The following RARRES2 variants were observed in gnomAD, a reference collection of about 807,000 sequenced individuals.
RARRES2 encodes retinoic acid receptor responder protein 2.
RARRES2 carries 12 observed loss-of-function variants against 17.9 expected under a neutral mutation model. The observed-to-expected ratio is 0.67, with a 90% CI of 0.43 to 1.08. The LOEUF (loss-of-function observed/expected upper bound fraction) is 1.08. RARRES2 is among the 50% of genes least tolerant of loss of function. The probability of loss-of-function intolerance (pLI) is 0.00; values close to 1 mark genes in which losing one functional copy is unlikely to be tolerated. For synonymous variants in RARRES2, 82 were observed against 86.8 expected (o/e 0.94, Z 0.31); for missense variants, 220 against 210.1 (o/e 1.05, Z -0.29).
Position 150,339,434 on chromosome 7 carries a change from G to A in RARRES2, c.280-353C>T, listed in dbSNP as rs148997055. Among the ~76,000 whole-genome samples the A allele has an allele frequency of 5.4e-3, 822 of 152,276 alleles. 22 individuals are homozygous for A. Among genetic ancestry groups the A allele is most frequent in the Admixed American group, 0.048 (730 of 15,294 alleles). ...TGCATGGATGTGTCTGCTTGTGCTCGTGTGAAGGCAAGAATCCTCCTCCGA... is the reference window on the plus strand; with the variant it reads ...TGCATGGATGTGTCTGCTTGTGCTCATGTGAAGGCAAGAATCCTCCTCCGA... On this transcript the variant is annotated intron_variant, in intron 3 of 5. Transcript: ENST00000223271.
Position 150,340,613 on chromosome 7 carries a change from T to C in RARRES2, c.-4A>G. The stretch of plus-strand genomic sequence containing the variant: ...GAGGGATCAGCAGCCGTCGCATGCT[T>C]CCGTGTCACCCTGGCCCTGCGAAGC... On this transcript the variant is annotated 5_prime_UTR_variant, in exon 2 of 6. Transcript: ENST00000223271. The C allele has an allele frequency of 2.0e-6, 3 of 1,511,396 alleles. No homozygotes were observed. In the South Asian group the frequency reaches 3.7e-5, roughly 19 times the overall value. The allele number at this position is 1,511,396 out of a possible 1,614,324, so 93.6% of individuals were successfully genotyped here.
chr7:150,340,480 G>A lies in RARRES2; in HGVS notation c.130C>T (p.Gln44Ter), dbSNP rs527945791. The change falls in exon 2 of 6, where the codon CAG becomes TAG. Residue 44 changes from glutamine to a stop codon, truncating the protein, a stop_gained. Coordinates refer to ENST00000223271, the MANE Select transcript of RARRES2 (RefSeq NM_002889.4). LOFTEE classifies it high-confidence loss of function. ...ACACTGGTCTCCTGGAAGGCCCACT[G>A]CACGGGCGGGTGCTTGTGAAATTCC... ...LEEFHKHPPV[Q>*]WAFQETSVES... 2 of 1,609,700 alleles carry A rather than the reference G, an allele frequency of 1.2e-6. No homozygotes were observed. Among genetic ancestry groups the A allele is most frequent in the South Asian group, 2.2e-5 (2 of 90,286 alleles).
At chr7:150,339,174 G>A (rs2129618570) in intron 3 of RARRES2, 93 bp from the exon 4 acceptor site, 1 of 1,237,720 alleles carries the variant, frequency 8.1e-7, no homozygotes, top group Non-Finnish European at 1.2e-6. Context: ...GCCCATCATG[G>A]GACCAGATCC....
At chr7:150,341,549 T>A (rs79236269) in intron 1 of RARRES2, 29 bp downstream of exon 1, 1 of 152,704 alleles carries the variant, frequency 6.5e-6, no homozygotes. Flanking sequence ...TCCGCCCGGC[T>A]GCCGCCCCAG....
chr7:150,340,553 G>GACGCCC lies in RARRES2; in HGVS notation c.51_56dup (p.Gly18_Val19dup). 7.0e-6 allele frequency: 11 copies of GACGCCC among 1,572,830 alleles called. No individual in the cohort carries two copies. Among genetic ancestry groups the GACGCCC allele is most frequent in the Non-Finnish European group, 9.5e-6 (11 of 1,160,310 alleles). On this transcript the variant is annotated inframe_insertion, in exon 2 of 6. Coordinates refer to ENST00000223271, the MANE Select transcript of RARRES2 (RefSeq NM_002889.4). ...GGCGCTGGGCTTCCGTGAGCTCGGCGACGCCCACGCCCACCGCACCCAGCC... is the reference window on the plus strand; with the variant it reads ...GGCGCTGGGCTTCCGTGAGCTCGGCGACGCCCACGCCCACGCCCACCGCACCCAGCC...
rs141728712 is a variant in RARRES2 at position 150,340,090 on chromosome 7, C to T, written c.279+10G>A. On this transcript the variant is annotated intron_variant, in intron 3 of 5. Coordinates refer to ENST00000223271, the MANE Select transcript of RARRES2 (RefSeq NM_002889.4). ...GCATGCGCCCATTGCTCTCACACCC[C>T]TTCACTCACCCCATTGGGCCTGACT... The T allele has an allele frequency of 6.2e-7, 1 of 1,611,694 alleles. No homozygotes were observed. Among genetic ancestry groups the T allele is most frequent in the Non-Finnish European group, 8.5e-7 (1 of 1,177,868 alleles).
At position 150,338,754 on chromosome 7, in the gene RARRES2, A is replaced by C. The variant is rs1246222128; in HGVS notation, c.376-13T>G. The C allele has an allele frequency of 6.4e-7, 1 of 1,559,646 alleles. No individual in the cohort carries two copies. Among genetic ancestry groups the C allele is most frequent in the Non-Finnish European group, 8.7e-7 (1 of 1,151,324 alleles). On this transcript the variant is annotated splice_polypyrimidine_tract_variant and intron_variant, in intron 4 of 5. Coordinates refer to ENST00000223271, the MANE Select transcript of RARRES2 (RefSeq NM_002889.4). The stretch of plus-strand genomic sequence containing the variant: ...GCTCCTCAGCCTCCTGCCAGTGCCC[A>C]AAACTGTTCAGGCAGTGTAGGAGGG...
In RARRES2 at chr7:150,340,787, T is replaced by C. The variant is rs543602472; in HGVS notation, c.-20-158A>G. 98 of 633,822 alleles carry C rather than the reference T, an allele frequency of 1.5e-4. No individual in the cohort carries two copies. The African/African-American group carries it at 1.6e-3, about 11-fold the overall frequency. The allele number at this position is 633,822 out of a possible 1,614,324, so 39.3% of individuals were successfully genotyped here. A position where few individuals can be genotyped will look rare whatever the true frequency, so the allele number is the denominator to read the frequency against. Reference sequence around the variant, plus strand: ...GCCTGGAAATGGCCCTTTCTCCAAATTGACCTTAGGGTCCGCCTGGCCCTC... The same window carrying C: ...GCCTGGAAATGGCCCTTTCTCCAAACTGACCTTAGGGTCCGCCTGGCCCTC... On this transcript the variant is annotated intron_variant, in intron 1 of 5. Coordinates refer to ENST00000223271, the MANE Select transcript of RARRES2 (RefSeq NM_002889.4).
Position 150,340,175 on chromosome 7 carries a change from C to A in RARRES2, c.204G>T (p.Leu68=). 6.2e-7 allele frequency: 1 copy of A among 1,614,202 alleles called. No individual in the cohort carries two copies. Among genetic ancestry groups the A allele is most frequent in the Non-Finnish European group, 8.5e-7 (1 of 1,180,038 alleles). The stretch of plus-strand genomic sequence containing the variant: ...AGCTTGTCTGCTGCAGCTTAAATTC[C>A]AGCCTCACAAATATTCCAGCTGGGA... ...TPFPAGIFVR[L]EFKLQQTSCR... The change falls in exon 3 of 6, where the codon CTG becomes CTT. Residue 68 remains leucine, a synonymous_variant. Coordinates refer to ENST00000223271, the MANE Select transcript of RARRES2 (RefSeq NM_002889.4).
At chr7:150,339,968 C>G in intron 3 of RARRES2, 132 bp downstream of exon 3, 3 of 840,036 alleles carry the variant, frequency 3.6e-6, no homozygotes, top group Non-Finnish European at 5.9e-6. Context: ...AGTGGGGTCT[C>G]TAACCTCAGG....
chr7:150,340,662 G>A (rs983648498), intron 1 of RARRES2, 33 bp from the exon 2 acceptor site: 12 of 1,432,674 alleles, frequency 8.4e-6, no homozygotes, highest in East Asian at 5.2e-5. Context: ...TCAGCTCTCC[G>A]AGCCAGCCCG....
At chr7:150,338,957 A>G in intron 4 of RARRES2, 29 bp downstream of exon 4, 5 of 1,571,836 alleles carry the variant, frequency 3.2e-6, no homozygotes, top group Non-Finnish European at 4.4e-6. Context: ...CAGCCCTGTC[A>G]CCACCTGTGC....
Position 150,340,098 on chromosome 7 carries a change from A to AC in RARRES2, c.279+1dup. 3 of 1,612,270 alleles carry AC rather than the reference A, an allele frequency of 1.9e-6. No individual in the cohort carries two copies. The highest frequency in any genetic ancestry group is 2.5e-6 in the Non-Finnish European group (3 of 1,179,016). On this transcript the variant is annotated splice_donor_variant, in intron 3 of 5. Coordinates refer to ENST00000223271, the MANE Select transcript of RARRES2 (RefSeq NM_002889.4). LOFTEE classifies it high-confidence loss of function. ...CCATTGCTCTCACACCCCTTCACTC[A>AC]CCCCATTGGGCCTGACTTTGCACTC...
At position 150,338,978 on chromosome 7, in the gene RARRES2, C is replaced by T. The variant is rs1207043251; in HGVS notation, c.375+8G>A. On this transcript the variant is annotated splice_region_variant and intron_variant, in intron 4 of 5. Coordinates refer to ENST00000223271, the MANE Select transcript of RARRES2 (RefSeq NM_002889.4). ...TGTCACCACCTGTGCACCCTTGCCC[C>T]TTCTTACCCGCAGAACTTGGGTCTC... is the stretch of plus-strand genomic sequence containing the variant. 1 of 1,595,400 alleles carries T rather than the reference C, an allele frequency of 6.3e-7. No homozygotes were observed. The highest frequency in any genetic ancestry group is 1.1e-5 in the South Asian group (1 of 90,690).
intron 4 of RARRES2, 25 bp downstream of exon 4, chr7:150,338,961 C>A (rs997597640): frequency 6.4e-7 from 1 of 1,573,840 alleles, no homozygotes; most frequent in Admixed American, 1.7e-5. Context: ...CCTGTCACCA[C>A]CTGTGCACCC....
In RARRES2 at chr7:150,339,067, G is replaced by C; in HGVS notation, c.294C>G (p.Cys98Trp). The C allele has an allele frequency of 2.5e-6, 4 of 1,611,426 alleles. No homozygotes were observed. Among genetic ancestry groups the C allele is most frequent in the Non-Finnish European group, 3.4e-6 (4 of 1,177,634 alleles). The stretch of plus-strand genomic sequence containing the variant: ...CAGAGCCCAGTTTGATGCAGGCCAG[G>C]CATTTCCGTTTCCTCTGTGGGGGAG... Reference protein sequence around the residue: ...KVRPNGRKRKCLACIKLGSED... With the variant: ...KVRPNGRKRKWLACIKLGSED... The change falls in exon 4 of 6, where the codon TGC becomes TGG. Residue 98 changes from cysteine (C) to tryptophan (W), a missense_variant. Coordinates refer to ENST00000223271, the MANE Select transcript of RARRES2 (RefSeq NM_002889.4).
chr7:150,338,856 C>G, intron 4 of RARRES2, 115 bp from the exon 5 acceptor site: 1 of 1,561,968 alleles, frequency 6.4e-7, no homozygotes, highest in South Asian at 1.2e-5. Context: ...CAAACAGGCA[C>G]AGCGCTTTCT....
At chr7:150,339,693 C>T (rs1316270845) in intron 3 of RARRES2, among the ~76,000 whole-genome samples, 1 of 151,862 alleles carries the variant, frequency 6.6e-6, no homozygotes, top group East Asian at 1.9e-4. Flanking sequence ...ATCACCCCCA[C>T]GGTGGAAGGT....
chr7:150,340,313 A>C (rs949251655), intron 2 of RARRES2, 109 bp from the exon 3 acceptor site: 56 of 1,541,326 alleles, frequency 3.6e-5, no homozygotes, highest in Non-Finnish European at 4.5e-5. Flanking sequence ...AGCAGGCTGG[A>C]CAGTGGCCTT....
Sources: allele counts gnomAD v4.1 joint callset (sites outside exome capture counted in the v4.1 genomes callset), GRCh38; gene constraint gnomAD v4.1.1; transcripts MANE v1.5; gene names NCBI Gene and HGNC (gene_info 2026-07-23, HGNC 2026-07-21).